The following MCM9 variants were observed in gnomAD, a reference collection of about 807,000 sequenced individuals.
The protein encoded by MCM9 is minichromosome maintenance 9 homologous recombination repair factor, also known as DNA helicase MCM9.
In MCM9, 55 loss-of-function variants were observed where a neutral mutation model predicts 72.8. The observed-to-expected ratio is 0.76, with a 90% CI of 0.61 to 0.95. MCM9 has a LOEUF of 0.95. MCM9 is among the 40% of genes least tolerant of loss of function. The pLI, the probability that MCM9 is intolerant of heterozygous loss-of-function variation, is 0.00. For missense variants in MCM9, 1,279 were observed against 1,377.0 expected, an observed-to-expected ratio of 0.93 and a Z score of 1.13; for synonymous variants, 480 against 503.4, an observed-to-expected ratio of 0.95 and a Z score of 0.62.
At chr6:118,911,365 G>A in intron 8 of MCM9, 1 of 1,113,320 alleles carries the variant, frequency 9.0e-7, no homozygotes, top group Non-Finnish European at 1.1e-6. Context: ...TTGATAAAAT[G>A]CCAGATGATA....
intron 12 of MCM9, 121 bp downstream of exon 12, chr6:118,826,661 G>A: frequency 7.1e-6 from 5 of 709,098 alleles, no homozygotes; most frequent in Non-Finnish European, 1.2e-5. Context: ...ATATTTCCAG[G>A]AATTACTAAG....
intron 8 of MCM9, among the ~76,000 whole-genome samples, chr6:118,863,552 C>G (rs1023879469): frequency 6.6e-6 from 1 of 152,102 alleles, no homozygotes; most frequent in Non-Finnish European, 1.5e-5. Flanking sequence ...TGTTTGTCCC[C>G]CTGGCCCTAA....
At chr6:118,842,025 G>C (rs563927566) in intron 9 of MCM9, among the ~76,000 whole-genome samples, 1 of 152,212 alleles carries the variant, frequency 6.6e-6, no homozygotes, top group African/African-American at 2.4e-5. Context: ...AGTAGAGATG[G>C]GGTTTCGCCA....
chr6:118,911,482 AT>A, intron 8 of MCM9, 167 bp downstream of exon 8: 2 of 1,318,940 alleles, frequency 1.5e-6, no homozygotes, highest in Middle Eastern at 5.7e-4. Flanking sequence ...CTTGCAAGAT[AT>A]TTTCTTAGAG....
intron 8 of MCM9, among the ~76,000 whole-genome samples, chr6:118,905,272 C>A (rs114213180): frequency 0.01 from 1,577 of 152,310 alleles, 29 homozygotes; most frequent in African/African-American, 0.036. Flanking sequence ...ATGAGGAGAT[C>A]ATTTAATACT....
intron 8 of MCM9, among the ~76,000 whole-genome samples, chr6:118,876,199 A>G (rs1396760740): frequency 6.6e-6 from 1 of 151,880 alleles, no homozygotes; most frequent in Non-Finnish European, 1.5e-5. Context: ...AGATATTTAA[A>G]AGATCAGTGG....
chr6:118,825,405 G>A (rs1774100099), intron 13 of MCM9, among the ~76,000 whole-genome samples: 1 of 152,166 alleles, frequency 6.6e-6, no homozygotes, highest in South Asian at 2.1e-4. Context: ...TGAGAAGGAA[G>A]AATTCTCAAG....
At chr6:118,852,089 G>A (rs924824190) in intron 9 of MCM9, among the ~76,000 whole-genome samples, 2 of 152,070 alleles carry the variant, frequency 1.3e-5, no homozygotes, top group East Asian at 3.9e-4. Flanking sequence ...CTATTGCTCC[G>A]AGGCTACAAG....
intron 13 of MCM9, among the ~76,000 whole-genome samples, chr6:118,822,458 A>T (rs1205527684): frequency 6.6e-6 from 1 of 152,182 alleles, no homozygotes; most frequent in Non-Finnish European, 1.5e-5. Context: ...GGTGCAGAAC[A>T]GCAAAGATTG....
At chr6:118,887,647 G>C (rs1384364230) in intron 8 of MCM9, among the ~76,000 whole-genome samples, 3 of 151,868 alleles carry the variant, frequency 2.0e-5, no homozygotes, top group African/African-American at 7.3e-5. Flanking sequence ...AAAATTAAAA[G>C]CTTTTACACT....
At chr6:118,840,182 TC>T (rs1562405569) in intron 9 of MCM9, among the ~76,000 whole-genome samples, 1 of 150,946 alleles carries the variant, frequency 6.6e-6, no homozygotes, top group African/African-American at 2.4e-5. Context: ...TTTTTTTTTT[TC>T]TCCACACACA....
intron 9 of MCM9, among the ~76,000 whole-genome samples, chr6:118,851,849 A>G (rs142472970): frequency 0.012 from 1,781 of 152,338 alleles, 12 homozygotes; most frequent in Non-Finnish European, 0.019. Context: ...TGCCTACCAC[A>G]GTGCGGTGGT....
chr6:118,841,305 C>T (rs1169272947), intron 9 of MCM9, among the ~76,000 whole-genome samples: 1 of 152,162 alleles, frequency 6.6e-6, no homozygotes, highest in Admixed American at 6.5e-5. Context: ...CATGCAGCCC[C>T]CTAGGGGTCA....
intron 9 of MCM9, among the ~76,000 whole-genome samples, chr6:118,855,474 GTTCT>G (rs546154987): frequency 9.2e-5 from 14 of 152,158 alleles, no homozygotes; most frequent in Non-Finnish European, 1.9e-4. Flanking sequence ...AGGTCTAATA[GTTCT>G]TTCTTGTATC....
intron 8 of MCM9, among the ~76,000 whole-genome samples, chr6:118,903,992 C>T (rs1017045318): frequency 6.8e-6 from 1 of 147,992 alleles, no homozygotes; most frequent in African/African-American, 2.7e-5. Flanking sequence ...TGGAGACAAA[C>T]TGAGAAGGGC....
At chr6:118,886,869 G>A (rs920733181) in intron 8 of MCM9, among the ~76,000 whole-genome samples, 4 of 152,128 alleles carry the variant, frequency 2.6e-5, no homozygotes, top group South Asian at 2.1e-4. Flanking sequence ...GGAGGCTGAC[G>A]TTGGGGGATC....
chr6:118,830,071 G>T (rs2062981273), intron 9 of MCM9, among the ~76,000 whole-genome samples: 1 of 152,146 alleles, frequency 6.6e-6, no homozygotes, highest in Admixed American at 6.5e-5. Context: ...AGTCCTAAAT[G>T]GAGCGTGGCA....
At chr6:118,869,955 C>T (rs1393310771) in intron 8 of MCM9, among the ~76,000 whole-genome samples, 1 of 152,102 alleles carries the variant, frequency 6.6e-6, no homozygotes, top group Non-Finnish European at 1.5e-5. Context: ...GAGGGTAAAA[C>T]AACTGTAAAT....
chr6:118,881,732 T>A (rs1778298881), intron 8 of MCM9, among the ~76,000 whole-genome samples: 1 of 152,204 alleles, frequency 6.6e-6, no homozygotes, highest in Non-Finnish European at 1.5e-5. Context: ...GAAAATTATT[T>A]TTTAAAATCC....
Sources: allele counts gnomAD v4.1 joint callset (sites outside exome capture counted in the v4.1 genomes callset), GRCh38; gene constraint gnomAD v4.1.1; transcripts MANE v1.5; gene names NCBI Gene and HGNC (gene_info 2026-07-23, HGNC 2026-07-21).